The following SPATA17 variants were observed in gnomAD, a reference collection of about 807,000 sequenced individuals.
The protein encoded by SPATA17 is spermatogenesis-associated protein 17.
Under a neutral mutation model 62.2 loss-of-function variants are expected in SPATA17, and 53 were observed. That is an observed-to-expected ratio of 0.85 (90% CI 0.68 to 1.07). SPATA17 has a LOEUF of 1.07. SPATA17 is among the 50% of genes least tolerant of loss of function. SPATA17 has a pLI of 0.00. For missense variants in SPATA17, 466 were observed against 425.5 expected, an observed-to-expected ratio of 1.10 and a Z score of -0.84; for synonymous variants, 146 against 146.8, an observed-to-expected ratio of 0.99 and a Z score of 0.04.
intron 5 of SPATA17, among the ~76,000 whole-genome samples, chr1:217,710,156 A>G (rs556392567): frequency 6.6e-6 from 1 of 152,336 alleles, no homozygotes; most frequent in East Asian, 1.9e-4. Flanking sequence ...TGTGGTACAT[A>G]TGCAAAAACG....
intron 9 of SPATA17, among the ~76,000 whole-genome samples, chr1:217,862,280 A>G (rs1675912350): frequency 6.6e-6 from 1 of 152,192 alleles, no homozygotes; most frequent in African/African-American, 2.4e-5. Flanking sequence ...TGGTTACACA[A>G]CAAAAAATGA....
chr1:217,801,918 A>T, intron 9 of SPATA17, 68 bp downstream of exon 9: 1 of 1,401,478 alleles, frequency 7.1e-7, no homozygotes, highest in Non-Finnish European at 9.7e-7. Context: ...TAATTAGAGC[A>T]AATATAAATA....
chr1:217,752,508 G>A (rs1672940328), intron 6 of SPATA17, among the ~76,000 whole-genome samples: 1 of 151,940 alleles, frequency 6.6e-6, no homozygotes, highest in Non-Finnish European at 1.5e-5. Context: ...CTTCTTTTTT[G>A]ACAATAATAT....
chr1:217,779,513 C>A (rs1265898621), intron 7 of SPATA17, among the ~76,000 whole-genome samples: 1 of 151,584 alleles, frequency 6.6e-6, no homozygotes, highest in Non-Finnish European at 1.5e-5. Context: ...ATTCTTCATT[C>A]TCTTGTTTCC....
At chr1:217,712,918 C>G (rs1313882405) in intron 5 of SPATA17, among the ~76,000 whole-genome samples, 1 of 152,066 alleles carries the variant, frequency 6.6e-6, no homozygotes, top group African/African-American at 2.4e-5. Context: ...ACAGTCAGAG[C>G]CAAGACGTTC....
intron 7 of SPATA17, among the ~76,000 whole-genome samples, chr1:217,775,716 AATCT>A (rs1279624527): frequency 8.5e-5 from 13 of 152,076 alleles, no homozygotes; most frequent in East Asian, 3.9e-4. Context: ...GAGAGTCTAT[AATCT>A]ATCTATCTAT....
At chr1:217,758,883 TATAA>T (rs1673108360) in intron 6 of SPATA17, among the ~76,000 whole-genome samples, 1 of 152,140 alleles carries the variant, frequency 6.6e-6, no homozygotes, top group African/African-American at 2.4e-5. Flanking sequence ...TTTAAGGTTA[TATAA>T]TTACACAGAG....
intron 5 of SPATA17, among the ~76,000 whole-genome samples, chr1:217,688,622 C>T (rs1043491489): frequency 7.9e-5 from 12 of 152,200 alleles, no homozygotes; most frequent in African/African-American, 2.4e-4. Context: ...TTTCCTTAGA[C>T]TTCCAAGCCT....
intron 5 of SPATA17, among the ~76,000 whole-genome samples, chr1:217,732,042 G>A (rs2102941824): frequency 6.6e-6 from 1 of 150,750 alleles, no homozygotes; most frequent in Non-Finnish European, 1.5e-5. Context: ...TCCCCTCTTG[G>A]AGTTGACAAT....
intron 8 of SPATA17, among the ~76,000 whole-genome samples, chr1:217,797,299 C>A (rs943880837): frequency 6.7e-6 from 1 of 148,304 alleles, no homozygotes; most frequent in Admixed American, 6.8e-5. Context: ...GCCCAGGCTG[C>A]AGTGCAGTAG....
intron 1 of SPATA17, among the ~76,000 whole-genome samples, chr1:217,643,287 C>G (rs905990413): frequency 2.0e-5 from 3 of 152,138 alleles, no homozygotes; most frequent in Admixed American, 6.6e-5. Flanking sequence ...CCACAACTGC[C>G]TCTTCTCTTA....
intron 4 of SPATA17, among the ~76,000 whole-genome samples, chr1:217,679,189 G>A (rs1465218394): frequency 6.6e-6 from 1 of 152,000 alleles, no homozygotes; most frequent in Non-Finnish European, 1.5e-5. Flanking sequence ...TTAAACTAAA[G>A]AACACGCATA....
rs112987271 is a variant in SPATA17, at chr1:217,642,301, C to T, written c.69-6581C>T. Among the ~76,000 whole-genome samples the T allele has an allele frequency of 5.0e-3, 767 of 152,142 alleles. 8 individuals carry two copies. The highest frequency in any genetic ancestry group is 0.018 in the African/African-American group (731 of 41,520). On this transcript the variant is annotated intron_variant, in intron 1 of 10. Coordinates refer to ENST00000366933, the MANE Select transcript of SPATA17 (RefSeq NM_138796.4). ...TGTATGTATCCTATTCCTCATCAAA[C>T]TTAAAATTTATTTATTTATTTAAAT...
chr1:217,667,348 A>G lies in SPATA17; in HGVS notation c.241-1685A>G, dbSNP rs571968943. Among the ~76,000 whole-genome samples the G allele has an allele frequency of 2.7e-4, 41 of 152,112 alleles. 1 individual carries two copies. In the South Asian group the frequency reaches 8.1e-3, roughly 30 times the overall value. The stretch of plus-strand genomic sequence containing the variant: ...AGGCATGAGCTACCATGCCTGGCCT[A>G]GAATTTTACTTATAGTTAAATTACA... On this transcript the variant is annotated intron_variant, in intron 3 of 10. Transcript: ENST00000366933.
Position 217,741,974 on chromosome 1 carries a change from G to T in SPATA17, c.396-1G>T, listed in dbSNP as rs761719478. On this transcript the variant is annotated splice_acceptor_variant, in intron 5 of 10. Transcript: ENST00000366933. LOFTEE classifies it high-confidence loss of function. ...AATAACTGCAGATGGTTTTGATGCA[G>T]GAAGGCACTGGAGGAGTTTGCAGAA... 1.2e-6 allele frequency: 2 copies of T among 1,613,874 alleles called. No homozygotes were observed. Among genetic ancestry groups the T allele is most frequent in the Non-Finnish European group, 1.7e-6 (2 of 1,179,886 alleles).
intron 1 of SPATA17, among the ~76,000 whole-genome samples, chr1:217,646,333 A>T (rs767621031): frequency 6.6e-6 from 1 of 152,174 alleles, no homozygotes; most frequent in Non-Finnish European, 1.5e-5. Context: ...GCAGCAATAT[A>T]TATGAATTCT....
intron 10 of SPATA17, 180 bp from the exon 11 acceptor site, chr1:217,866,842 T>C (rs74352407): frequency 1.4e-5 from 2 of 144,968 alleles, no homozygotes; most frequent in Non-Finnish European, 3.0e-5. Context: ...TGAAGTTCCT[T>C]TTTTTTTTTT....
intron 9 of SPATA17, among the ~76,000 whole-genome samples, chr1:217,856,981 G>T (rs1370994720): frequency 1.3e-5 from 2 of 152,182 alleles, no homozygotes; most frequent in Non-Finnish European, 2.9e-5. Flanking sequence ...GATTAAAATA[G>T]TATTTATACG....
intron 1 of SPATA17, among the ~76,000 whole-genome samples, chr1:217,641,532 A>T (rs1670061789): frequency 6.6e-6 from 1 of 152,158 alleles, no homozygotes; most frequent in African/African-American, 2.4e-5. Context: ...TGAAGATAAT[A>T]AGGAGTTAAT....
Sources: allele counts gnomAD v4.1 joint callset (sites outside exome capture counted in the v4.1 genomes callset), GRCh38; gene constraint gnomAD v4.1.1; transcripts MANE v1.5; gene names NCBI Gene and HGNC (gene_info 2026-07-23, HGNC 2026-07-21).